Variants in IL1RAPL1 observed in about 807,000 individuals in gnomAD.
IL1RAPL1 encodes interleukin 1 receptor accessory protein like 1.
Under a neutral mutation model 48.4 loss-of-function variants are expected in IL1RAPL1, and 3 were observed. That is an observed-to-expected ratio of 0.06 (90% CI 0.03 to 0.16). The LOEUF is 0.16. Among genes scored for constraint, IL1RAPL1 ranks in the 10% least tolerant of loss-of-function variants. The probability of loss-of-function intolerance (pLI) is 1.00; values close to 1 mark genes in which losing one functional copy is unlikely to be tolerated. For synonymous variants in IL1RAPL1, 185 were observed against 187.7 expected (o/e 0.99, Z 0.12); for missense variants, 349 against 530.6 (o/e 0.66, Z 3.36).
intron 2 of IL1RAPL1, among the ~76,000 whole-genome samples, chrX:29,061,541 C>G (rs1330421581): frequency 1.8e-5 from 2 of 111,998 alleles, no homozygotes; most frequent in East Asian, 5.6e-4. Context: ...TCACTGCAAC[C>G]TCCACCTCCT....
chrX:29,849,496 TAAAGA>T (rs1407630727), intron 6 of IL1RAPL1, among the ~76,000 whole-genome samples: 1 of 111,820 alleles, frequency 8.9e-6, no homozygotes, highest in Non-Finnish European at 1.9e-5. Flanking sequence ...ATTAGTGCTG[TAAAGA>T]AAAGTAAAGC....
intron 1 of IL1RAPL1, among the ~76,000 whole-genome samples, chrX:28,598,133 T>C (rs1933977813): frequency 8.9e-6 from 1 of 112,268 alleles, no homozygotes; most frequent in South Asian, 3.7e-4. Context: ...TAAGATCATA[T>C]GGAATAAGAA....
At chrX:29,214,075 T>A (rs914751383) in intron 2 of IL1RAPL1, among the ~76,000 whole-genome samples, 2 of 111,149 alleles carry the variant, frequency 1.8e-5, no homozygotes, top group African/African-American at 6.5e-5. Context: ...AGAAAATGAA[T>A]TACCCTCTGT....
At chrX:28,938,354 A>G (rs1369515985) in intron 2 of IL1RAPL1, among the ~76,000 whole-genome samples, 1 of 110,973 alleles carries the variant, frequency 9.0e-6, no homozygotes, top group Non-Finnish European at 1.9e-5. Flanking sequence ...GAGCTCAGAA[A>G]TAAGGCTATA....
chrX:29,562,103 ATCTATCTATCTAATCTATCTATCT>A (rs1238473729), intron 5 of IL1RAPL1, among the ~76,000 whole-genome samples: 4 of 88,285 alleles, frequency 4.5e-5, no homozygotes, highest in Non-Finnish European at 8.2e-5. Flanking sequence ...CTATCTATCT[ATCTATCTATCTAATCTATCTATCT>A]ATCTATCTAT....
intron 9 of IL1RAPL1, among the ~76,000 whole-genome samples, chrX:29,943,525 CTATTA>C (rs1039181177): frequency 8.9e-6 from 1 of 111,990 alleles, no homozygotes; most frequent in South Asian, 3.7e-4. Flanking sequence ...CGGATACTCT[CTATTA>C]TTTGTATTTT....
chrX:29,418,274 C>T (rs991176994), intron 5 of IL1RAPL1, among the ~76,000 whole-genome samples: 10 of 104,953 alleles, frequency 9.5e-5, no homozygotes, highest in African/African-American at 2.4e-4. Context: ...TACAGGCCCA[C>T]GCCACCACGC....
At chrX:29,499,817 A>G (rs139055337) in intron 5 of IL1RAPL1, among the ~76,000 whole-genome samples, 2,817 of 111,535 alleles carry the variant, frequency 0.025, 87 homozygotes, top group African/African-American at 0.088. Flanking sequence ...ACAAGTTTTT[A>G]TTGATATATA....
chrX:29,657,964 A>G lies in IL1RAPL1; in HGVS notation c.704-10466A>G, dbSNP rs748487953. 1.3e-4 allele frequency among the ~76,000 whole-genome samples: 14 copies of G among 110,180 alleles called. No individual in the cohort carries two copies. The South Asian group carries it at 5.4e-3, about 42-fold the overall frequency. The stretch of plus-strand genomic sequence containing the variant: ...CATCATCATTTATCTCAATAATTAT[A>G]TATTGTTTCATTTTTCTCACCATTT... On this transcript the variant is annotated intron_variant, in intron 5 of 10. Coordinates refer to ENST00000378993, the MANE Select transcript of IL1RAPL1 (RefSeq NM_014271.4).
At chrX:29,577,165 G>T (rs1395298071) in intron 5 of IL1RAPL1, among the ~76,000 whole-genome samples, 1 of 111,544 alleles carries the variant, frequency 9.0e-6, no homozygotes, top group Non-Finnish European at 1.9e-5. Flanking sequence ...ATTGAAAGTT[G>T]TTTAAGATTT....
chrX:29,074,213 T>A (rs145198781), intron 2 of IL1RAPL1, among the ~76,000 whole-genome samples: 1,221 of 111,686 alleles, frequency 0.011, 7 homozygotes, highest in Non-Finnish European at 0.016. Context: ...ATCATCATAC[T>A]GCTCTACTTC....
intron 6 of IL1RAPL1, among the ~76,000 whole-genome samples, chrX:29,694,406 C>G (rs187226390): frequency 8.9e-4 from 100 of 111,918 alleles, no homozygotes; most frequent in African/African-American, 3.1e-3. Context: ...ATATAGATAT[C>G]AATCAGGGAT....
chrX:28,732,794 G>A (rs1019676429), intron 1 of IL1RAPL1, among the ~76,000 whole-genome samples: 2 of 111,163 alleles, frequency 1.8e-5, no homozygotes, highest in Non-Finnish European at 3.8e-5. Context: ...GCTTGAACCC[G>A]GGAGGCAGAG....
At chrX:28,703,832 A>T (rs986463347) in intron 1 of IL1RAPL1, among the ~76,000 whole-genome samples, 1 of 111,879 alleles carries the variant, frequency 8.9e-6, no homozygotes, top group Admixed American at 9.5e-5. Flanking sequence ...TACTACATGA[A>T]TACATGTCAT....
intron 6 of IL1RAPL1, among the ~76,000 whole-genome samples, chrX:29,865,069 T>G (rs745340346): frequency 6.2e-5 from 7 of 112,165 alleles, no homozygotes; most frequent in Non-Finnish European, 1.1e-4. Flanking sequence ...ATGCATCCAG[T>G]GTTATTCAAA....
chrX:29,466,672 C>G (rs758463723), intron 5 of IL1RAPL1, among the ~76,000 whole-genome samples: 9 of 111,991 alleles, frequency 8.0e-5, no homozygotes, highest in Non-Finnish European at 1.5e-4. Flanking sequence ...TGTTAAACTT[C>G]GAGGTTCTGT....
intron 3 of IL1RAPL1, 44 bp from the exon 4 acceptor site, chrX:29,396,214 T>G: frequency 9.1e-7 from 1 of 1,102,661 alleles, no homozygotes; most frequent in Non-Finnish European, 1.3e-6. Context: ...AGCACTTGCT[T>G]TTTGTTCACA....
chrX:28,664,416 T>A, intron 1 of IL1RAPL1, among the ~76,000 whole-genome samples: 1 of 112,167 alleles, frequency 8.9e-6, no homozygotes, highest in Non-Finnish European at 1.9e-5. Flanking sequence ...TAAGATTTTA[T>A]TTGGAGTTAC....
intron 2 of IL1RAPL1, among the ~76,000 whole-genome samples, chrX:29,200,161 A>AG (rs1444574892): frequency 2.7e-5 from 3 of 110,484 alleles, no homozygotes; most frequent in Non-Finnish European, 5.7e-5. Flanking sequence ...AGAAAAAAAA[A>AG]ATCCAACAGT....
Sources: gnomAD v4.1 joint callset for allele counts (sites outside exome capture counted in the v4.1 genomes callset) on GRCh38, gnomAD v4.1.1 for gene constraint, MANE v1.5 for transcripts, NCBI Gene and HGNC (gene_info 2026-07-23, HGNC 2026-07-21) for gene names.